Variants in SORCS2 observed in about 807,000 individuals in gnomAD.
The protein encoded by SORCS2 is VPS10 domain-containing receptor SorCS2.
SORCS2 carries 100 observed loss-of-function variants against 141.6 expected under a neutral mutation model. That is an observed-to-expected ratio of 0.71 (90% CI 0.60 to 0.83). The LOEUF is 0.83. Among genes scored for constraint, SORCS2 ranks in the 40% least tolerant of loss-of-function variants. The pLI is 0.00. For missense variants in SORCS2, 1,646 were observed against 1,560.2 expected (o/e 1.05, Z -0.93); for synonymous variants, 789 against 676.9 (o/e 1.17, Z -2.57).
chr4:7,232,618 C>T (rs879320150), intron 1 of SORCS2, among the ~76,000 whole-genome samples: 5 of 152,232 alleles, frequency 3.3e-5, no homozygotes, highest in African/African-American at 4.8e-5. Context: ...TCTGAGCCCT[C>T]GGTGCTGGGG....
chr4:7,645,706 C>G (rs899998496), intron 4 of SORCS2, among the ~76,000 whole-genome samples: 5 of 152,188 alleles, frequency 3.3e-5, no homozygotes, highest in Non-Finnish European at 7.3e-5. Flanking sequence ...TTAAAAGCTC[C>G]TTGCCCTCAT....
chr4:7,633,576 A>AGAATGAAT (rs57627813), intron 3 of SORCS2, among the ~76,000 whole-genome samples: 15 of 152,088 alleles, frequency 9.9e-5, no homozygotes, highest in Admixed American at 5.2e-4. Flanking sequence ...GCAATGTGAA[A>AGAATGAAT]GAATGAATGA....
intron 3 of SORCS2, among the ~76,000 whole-genome samples, chr4:7,569,120 G>A (rs1715209422): frequency 6.6e-6 from 1 of 152,216 alleles, no homozygotes; most frequent in African/African-American, 2.4e-5. Flanking sequence ...CCAGGACTGT[G>A]CCATTGCTGT....
intron 1 of SORCS2, among the ~76,000 whole-genome samples, chr4:7,282,744 GAT>G (rs1715961971): frequency 6.6e-6 from 1 of 152,182 alleles, no homozygotes; most frequent in Non-Finnish European, 1.5e-5. Context: ...AGAGTGGTGT[GAT>G]AGTCTCACCG....
intron 1 of SORCS2, among the ~76,000 whole-genome samples, chr4:7,257,208 C>T (rs1163476458): frequency 6.6e-6 from 1 of 152,138 alleles, no homozygotes; most frequent in Non-Finnish European, 1.5e-5. Context: ...ATGGTGGCCT[C>T]TCCAGGCCTC....
chr4:7,242,999 G>A (rs1486599647), intron 1 of SORCS2, among the ~76,000 whole-genome samples: 5 of 152,206 alleles, frequency 3.3e-5, no homozygotes, highest in African/African-American at 1.2e-4. Context: ...CCAGAGGACG[G>A]TCAGCCCTGG....
intron 1 of SORCS2, among the ~76,000 whole-genome samples, chr4:7,279,203 A>G (rs935380159): frequency 6.6e-6 from 1 of 152,230 alleles, no homozygotes; most frequent in Non-Finnish European, 1.5e-5. Flanking sequence ...AAAAAGAGGA[A>G]TTGAATGGCT....
chr4:7,413,672 G>A (rs112668312), intron 2 of SORCS2, among the ~76,000 whole-genome samples: 11 of 152,262 alleles, frequency 7.2e-5, no homozygotes, highest in African/African-American at 2.6e-4. Flanking sequence ...ACAGGCGTGA[G>A]CCACTGCACC....
chr4:7,554,214 C>T (rs1314070678), intron 3 of SORCS2, among the ~76,000 whole-genome samples: 3 of 152,206 alleles, frequency 2.0e-5, no homozygotes, highest in Admixed American at 6.5e-5. Context: ...AGGGGAGCTG[C>T]ACCCACTTTC....
intron 2 of SORCS2, among the ~76,000 whole-genome samples, chr4:7,515,840 A>T (rs1732943489): frequency 6.6e-6 from 1 of 152,046 alleles, no homozygotes; most frequent in African/African-American, 2.4e-5. Flanking sequence ...CACTGACCTC[A>T]GGGCCAGGAG....
intron 3 of SORCS2, among the ~76,000 whole-genome samples, chr4:7,532,632 G>T (rs753368914): frequency 6.6e-6 from 1 of 152,188 alleles, no homozygotes; most frequent in Non-Finnish European, 1.5e-5. Flanking sequence ...CAGGGGCTCA[G>T]AGGAGCTGGG....
At chr4:7,468,002 C>T (rs374753863) in intron 2 of SORCS2, among the ~76,000 whole-genome samples, 1 of 152,206 alleles carries the variant, frequency 6.6e-6, no homozygotes, top group Non-Finnish European at 1.5e-5. Flanking sequence ...AGATCTGTAC[C>T]TTTCTGCCCC....
chr4:7,550,856 C>A (rs1713644947), intron 3 of SORCS2, among the ~76,000 whole-genome samples: 1 of 152,206 alleles, frequency 6.6e-6, no homozygotes, highest in African/African-American at 2.4e-5. Context: ...AGTCTCTGAG[C>A]CCTTTTTCCA....
At chr4:7,533,482 C>T (rs1044248938) in intron 3 of SORCS2, among the ~76,000 whole-genome samples, 1 of 152,196 alleles carries the variant, frequency 6.6e-6, no homozygotes, top group Non-Finnish European at 1.5e-5. Flanking sequence ...TCCATCCAGC[C>T]GATCTGGTCC....
At chr4:7,292,108 C>T (rs1410947197) in intron 1 of SORCS2, among the ~76,000 whole-genome samples, 1 of 152,210 alleles carries the variant, frequency 6.6e-6, no homozygotes, top group East Asian at 1.9e-4. Flanking sequence ...TGGATCTCAG[C>T]TCTCTCCCGC....
chr4:7,360,550 T>C (rs1721518193), intron 1 of SORCS2, among the ~76,000 whole-genome samples: 1 of 128,964 alleles, frequency 7.8e-6, no homozygotes, highest in Non-Finnish European at 1.6e-5. Context: ...GCTGCTTCCC[T>C]AAATACCCTC....
At chr4:7,433,724 C>T (rs1005459188) in intron 2 of SORCS2, 5 of 1,613,256 alleles carry the variant, frequency 3.1e-6, no homozygotes, top group Non-Finnish European at 4.2e-6. Context: ...GCGTCCCACT[C>T]TGGGGACGGC....
At chr4:7,439,339 C>A (rs1327272272) in intron 2 of SORCS2, among the ~76,000 whole-genome samples, 1 of 152,176 alleles carries the variant, frequency 6.6e-6, no homozygotes, top group Admixed American at 6.5e-5. Flanking sequence ...GATTTTTAAC[C>A]TATTTACCCC....
chr4:7,568,767 T>C (rs993009195), intron 3 of SORCS2, among the ~76,000 whole-genome samples: 11 of 152,200 alleles, frequency 7.2e-5, no homozygotes, highest in African/African-American at 2.7e-4. Flanking sequence ...TTGGGAACCA[T>C]AGTGCTATCC....
Sources: gnomAD v4.1 joint callset for allele counts (sites outside exome capture counted in the v4.1 genomes callset) on GRCh38, gnomAD v4.1.1 for gene constraint, MANE v1.5 for transcripts, NCBI Gene and HGNC (gene_info 2026-07-23, HGNC 2026-07-21) for gene names.